FBXO41: variants seen among roughly 807,000 people sequenced by gnomAD.
FBXO41 encodes F-box protein 41.
Under a neutral mutation model 81.6 loss-of-function variants are expected in FBXO41, and 33 were observed. The observed-to-expected ratio is 0.40, with a 90% confidence interval of 0.31 to 0.54. FBXO41 has a LOEUF of 0.54. FBXO41 is among the 20% of genes least tolerant of loss of function. The pLI is 0.39. For missense variants in FBXO41, 1,107 were observed against 1,236.0 expected (o/e 0.90, Z 1.56); for synonymous variants, 576 against 552.7 (o/e 1.04, Z -0.59).
Position 73,265,065 on chromosome 2 carries a change from C to G in FBXO41, c.1564+217G>C, listed in dbSNP as rs183488331. Among the ~76,000 whole-genome samples the G allele has an allele frequency of 2.6e-3, 397 of 152,284 alleles. 3 individuals carry two copies. Among genetic ancestry groups the G allele is most frequent in the African/African-American group, 9.1e-3 (378 of 41,552 alleles). On this transcript the variant is annotated intron_variant, in intron 5 of 12. Coordinates refer to ENST00000520530, the MANE Select transcript of FBXO41 (RefSeq NM_001371389.2). ...TTGATGAGCCTACCACGTGAATGGC[C>G]CCCCTGCCCCCCAGATGTGGCATCC... is the stretch of plus-strand genomic sequence containing the variant.
At position 73,259,039 on chromosome 2, in the gene FBXO41, C is replaced by A; in HGVS notation, c.2571G>T (p.Leu857=). ...FEDMVTKLQA[L]RRRPGFSKIL... Reference sequence around the variant, plus strand: ...TCTTAGAGAAGCCGGGCCTCCGTCGCAGAGCCTGCGGACCGAACCCTGGGT... The same window carrying A: ...TCTTAGAGAAGCCGGGCCTCCGTCGAAGAGCCTGCGGACCGAACCCTGGGT... Residue 857 remains leucine (L), a synonymous_variant, in exon 13 of 13, where the codon CTG becomes CTT. Transcript: ENST00000520530. This position sits in a 1 kb window ranked among gnomAD's most constrained non-coding sequence, Gnocchi z 4.2. The A allele has an allele frequency of 6.2e-7, 1 of 1,603,130 alleles. No individual in the cohort carries two copies. Among genetic ancestry groups the A allele is most frequent in the Admixed American group, 1.7e-5 (1 of 58,350 alleles).
At chr2:73,283,610 C>T (rs1688910130) in intron 1 of FBXO41, among the ~76,000 whole-genome samples, 1 of 152,224 alleles carries the variant, frequency 6.6e-6, no homozygotes, top group African/African-American at 2.4e-5. Flanking sequence ...TGCGGAGGGG[C>T]GCACACATTC....
At chr2:73,268,264 T>C (rs555956509) in intron 2 of FBXO41, among the ~76,000 whole-genome samples, 2 of 151,688 alleles carry the variant, frequency 1.3e-5, no homozygotes, top group Non-Finnish European at 2.9e-5. Flanking sequence ...ACAAGAAGTA[T>C]AAACAAATAC....
intron 1 of FBXO41, among the ~76,000 whole-genome samples, chr2:73,280,965 C>T (rs1243368753): frequency 6.6e-6 from 1 of 152,196 alleles, no homozygotes; most frequent in Non-Finnish European, 1.5e-5. Flanking sequence ...GAACTGGTTA[C>T]AATTAAGTAA....
In FBXO41 at chr2:73,266,079, G is replaced by C; in HGVS notation, c.1132-113C>G. On this transcript the variant is annotated intron_variant, in intron 3 of 12. Transcript: ENST00000520530. The surrounding 1 kb of genome is among the most constrained non-coding windows in gnomAD (Gnocchi z 5.3). ...TGGAGAGGAGATGGGGGAGAGGAGAGAGAAGGGAAAATAGTTGGGAAAGAT... is the reference window on the plus strand; with the variant it reads ...TGGAGAGGAGATGGGGGAGAGGAGACAGAAGGGAAAATAGTTGGGAAAGAT... 3.3e-5 allele frequency: 30 copies of C among 908,792 alleles called. No homozygotes were observed. Among genetic ancestry groups the C allele is most frequent in the Non-Finnish European group, 4.6e-5 (27 of 581,842 alleles). 56.3% of individuals were successfully genotyped at this position (908,792 alleles called of 1,614,324 possible).
Position 73,256,127 on chromosome 2 carries a change from C to T in FBXO41, c.*2855G>A, listed in dbSNP as rs752654926. 1 of 152,174 alleles carries T rather than the reference C, an allele frequency of 6.6e-6. No individual in the cohort carries two copies. The highest frequency in any genetic ancestry group is 1.5e-5 in the Non-Finnish European group (1 of 68,056). The allele number at this position is 152,174 out of a possible 1,614,324, so 9.4% of individuals were successfully genotyped here. The stretch of plus-strand genomic sequence containing the variant: ...GTGGTAGAAACACCAAGTGGCCACC[C>T]CCACTGGGCCTCTACACATACCTGG... On this transcript the variant is annotated 3_prime_UTR_variant, in exon 13 of 13. Coordinates refer to ENST00000520530, the MANE Select transcript of FBXO41 (RefSeq NM_001371389.2).
intron 9 of FBXO41, among the ~76,000 whole-genome samples, chr2:73,262,649 T>C (rs1558580795): frequency 6.6e-6 from 1 of 152,234 alleles, no homozygotes; most frequent in African/African-American, 2.4e-5. Context: ...CACCTTTACT[T>C]TGCAGTTTGA....
chr2:73,269,186 C>T lies in FBXO41; in HGVS notation c.445G>A (p.Glu149Lys). The change falls in exon 2 of 13, where the codon GAG becomes AAG. Residue 149 changes from glutamate (E) to lysine (K), a missense_variant. Glu to Lys is a moderately conservative substitution (Grantham distance 56). Around this residue, in one of 2 missense-constraint regions of FBXO41, gnomAD observed 771 missense variants for 789.2 expected, o/e 0.98. Transcript: ENST00000520530. This position sits in a 1 kb window ranked among gnomAD's most constrained non-coding sequence, Gnocchi z 7.0. ...AGCTCCCCCAGCGGGATCTCGATCT[C>T]GCGCAGCGCATAGCGCGCTGCTGCG... ...PAAAARYALR[E>K]IEIPLGELFA... 6.5e-7 allele frequency: 1 copy of T among 1,528,422 alleles called. No individual in the cohort carries two copies. The highest frequency in any genetic ancestry group is 8.8e-7 in the Non-Finnish European group (1 of 1,141,336). The allele number at this position is 1,528,422 out of a possible 1,614,324, so 94.7% of individuals were successfully genotyped here.
rs1254671360 is a variant in FBXO41, at chr2:73,266,782, G to A, written c.906-100C>T. ...AGTGCGGGGAGACACTGGCACAGCT[G>A]CCTGCGGTGTCTGCTTATGGTCACA... is the stretch of plus-strand genomic sequence containing the variant. On this transcript the variant is annotated intron_variant, in intron 2 of 12. Transcript: ENST00000520530. The surrounding 1 kb of genome is among the most constrained non-coding windows in gnomAD (Gnocchi z 5.3). 3 of 1,427,202 alleles carry A rather than the reference G, an allele frequency of 2.1e-6. No homozygotes were observed. Among genetic ancestry groups the A allele is most frequent in the Non-Finnish European group, 2.7e-6 (3 of 1,097,132 alleles). 88.4% of individuals were successfully genotyped at this position (1,427,202 alleles called of 1,614,324 possible). A position where few individuals can be genotyped will look rare whatever the true frequency, so the allele number is the denominator to read the frequency against.
At chr2:73,261,443 G>A (rs1688019117) in intron 9 of FBXO41, among the ~76,000 whole-genome samples, 1 of 152,126 alleles carries the variant, frequency 6.6e-6, no homozygotes, top group African/African-American at 2.4e-5. Flanking sequence ...CCTCCACACT[G>A]CAGATAGGGA....
At chr2:73,267,801 C>T (rs1688321459) in intron 2 of FBXO41, among the ~76,000 whole-genome samples, 1 of 152,178 alleles carries the variant, frequency 6.6e-6, no homozygotes, top group Non-Finnish European at 1.5e-5. Context: ...GACAAAGTCA[C>T]TCAACACAAA....
chr2:73,272,729 C>T (rs1688577112), intron 1 of FBXO41, among the ~76,000 whole-genome samples: 1 of 152,182 alleles, frequency 6.6e-6, no homozygotes, highest in African/African-American at 2.4e-5. Context: ...GAGATAACCC[C>T]TCCCTCCTTC....
intron 1 of FBXO41, chr2:73,270,780 T>C: frequency 1.9e-6 from 1 of 533,538 alleles, no homozygotes; most frequent in Non-Finnish European, 3.9e-6. Flanking sequence ...TGGCTTCTTG[T>C]CACTCTTCTC....
At position 73,255,518 on chromosome 2, in the gene FBXO41, A is replaced by T. The variant is rs1687773318; in HGVS notation, c.*3464T>A. The T allele has an allele frequency of 6.6e-6, 1 of 152,670 alleles. No individual in the cohort carries two copies. The highest frequency in any genetic ancestry group is 1.5e-5 in the Non-Finnish European group (1 of 68,058). The allele number at this position is 152,670 out of a possible 1,614,324, so 9.5% of individuals were successfully genotyped here. A position where few individuals can be genotyped will look rare whatever the true frequency, so the allele number is the denominator to read the frequency against. On this transcript the variant is annotated 3_prime_UTR_variant, in exon 13 of 13. Coordinates refer to ENST00000520530, the MANE Select transcript of FBXO41 (RefSeq NM_001371389.2). ...AGGAAGTTACACTCATCAGGGACTGACAGGCTGGGACAGGTCCCATGGGTT... is the reference window on the plus strand; with the variant it reads ...AGGAAGTTACACTCATCAGGGACTGTCAGGCTGGGACAGGTCCCATGGGTT...
At chr2:73,278,268 A>G (rs1198590573) in intron 1 of FBXO41, among the ~76,000 whole-genome samples, 2 of 152,218 alleles carry the variant, frequency 1.3e-5, no homozygotes, top group Admixed American at 1.3e-4. Flanking sequence ...CACATCTGTG[A>G]GGACCTAGGT....
In FBXO41 at chr2:73,265,532, C is replaced by T. The variant is rs771495312; in HGVS notation, c.1314G>A (p.Gly438=). Residue 438 remains glycine, a synonymous_variant, in exon 5 of 13, where the codon GGG becomes GGA. Coordinates refer to ENST00000520530, the MANE Select transcript of FBXO41 (RefSeq NM_001371389.2). ...EEGAPEDSGP[G]GLGTRAQAAN... The stretch of plus-strand genomic sequence containing the variant: ...CAGCCTGGGCCCGTGTGCCCAAGCC[C>T]CCAGGGCCACTGTCCTCAGGGGCCC... The T allele has an allele frequency of 4.0e-5, 64 of 1,596,030 alleles. No individual in the cohort carries two copies. The East Asian group carries it at 5.4e-4, about 13-fold the overall frequency.
rs765233931 is a variant in FBXO41, at chr2:73,269,219, C to A, written c.412G>T (p.Val138Leu). 15 of 1,524,656 alleles carry A rather than the reference C, an allele frequency of 9.8e-6. No homozygotes were observed. Among genetic ancestry groups the A allele is most frequent in the African/African-American group, 1.4e-5 (1 of 69,422 alleles). 94.4% of individuals were successfully genotyped at this position (1,524,656 alleles called of 1,614,324 possible). ...GCATAGCGCGCTGCTGCGGCGGGCA[C>A]AAGGCCCGGCTCGGCCAACTCCTCA... is the stretch of plus-strand genomic sequence containing the variant. ...PCEELAEPGL[V>L]PAAAARYALR... Residue 138 changes from valine to leucine, a missense_variant, in exon 2 of 13, where the codon GTG becomes TTG. By Grantham distance (32) the Val-to-Leu change is conservative. Around this residue, in one of 2 missense-constraint regions of FBXO41, gnomAD observed 771 missense variants for 789.2 expected, o/e 0.98. Transcript: ENST00000520530. The surrounding 1 kb of genome is among the most constrained non-coding windows in gnomAD (Gnocchi z 7.0).
At chr2:73,278,122 A>C (rs1688747830) in intron 1 of FBXO41, among the ~76,000 whole-genome samples, 1 of 152,162 alleles carries the variant, frequency 6.6e-6, no homozygotes, top group Admixed American at 6.5e-5. Flanking sequence ...TCCCTCTGGG[A>C]TCCCATGCTA....
In FBXO41 at chr2:73,269,097, G is replaced by C. The variant is rs1238079701; in HGVS notation, c.534C>G (p.Gly178=). 6.6e-7 allele frequency: 1 copy of C among 1,503,840 alleles called. No homozygotes were observed. The highest frequency in any genetic ancestry group is 1.9e-4 in the Middle Eastern group (1 of 5,362). 93.2% of individuals were successfully genotyped at this position (1,503,840 alleles called of 1,614,324 possible). The part of the protein sequence containing the change: ...CSTPPPGPGP[G]PCPGPASASP... ...AAGCGGAGGCAGGCCCGGGGCAAGGGCCGGGGCCGGGGCCAGGCGGCGGCG... is the reference window on the plus strand; with the variant it reads ...AAGCGGAGGCAGGCCCGGGGCAAGGCCCGGGGCCGGGGCCAGGCGGCGGCG... The change falls in exon 2 of 13, where the codon GGC becomes GGG. Residue 178 remains glycine, a synonymous_variant. Coordinates refer to ENST00000520530, the MANE Select transcript of FBXO41 (RefSeq NM_001371389.2). This position sits in a 1 kb window ranked among gnomAD's most constrained non-coding sequence, Gnocchi z 7.0.
Sources: allele counts gnomAD v4.1 joint callset (sites outside exome capture counted in the v4.1 genomes callset), GRCh38; gene constraint gnomAD v4.1.1; regional missense constraint gnomAD v4.1.1; non-coding constraint Gnocchi (gnomAD v3.1); transcripts MANE v1.5; gene names NCBI Gene and HGNC (gene_info 2026-07-23, HGNC 2026-07-21).